Variants in GALNTL6 observed in about 807,000 individuals in gnomAD.
GALNTL6 encodes polypeptide N-acetylgalactosaminyltransferase like 6.
A neutral mutation model predicts 73.7 loss-of-function variants in GALNTL6; 46 were observed. The ratio of observed to expected loss-of-function variants is 0.62; its 90% confidence interval spans 0.49 to 0.80. GALNTL6 has a LOEUF of 0.80. Ranked by LOEUF, GALNTL6 falls within the 30% of genes least tolerant of loss-of-function variation. The pLI, the probability that GALNTL6 is intolerant of heterozygous loss-of-function variation, is 0.00. For synonymous variants in GALNTL6, 259 were observed against 263.7 expected, an observed-to-expected ratio of 0.98 and a Z score of 0.17; for missense variants, 604 against 755.0, an observed-to-expected ratio of 0.80 and a Z score of 2.34.
At chr4:172,169,855 C>T (rs192598880) in intron 2 of GALNTL6, among the ~76,000 whole-genome samples, 8 of 152,092 alleles carry the variant, frequency 5.3e-5, no homozygotes, top group African/African-American at 9.7e-5. Context: ...TTTCAGAAGT[C>T]GTGGTAAGAA....
chr4:172,836,057 G>T (rs1219790132), intron 7 of GALNTL6, among the ~76,000 whole-genome samples: 1 of 152,100 alleles, frequency 6.6e-6, no homozygotes, highest in African/African-American at 2.4e-5. Flanking sequence ...CTGCTGCCTG[G>T]CAGGGCAATG....
intron 5 of GALNTL6, among the ~76,000 whole-genome samples, chr4:172,768,576 G>A (rs1435287864): frequency 6.6e-6 from 1 of 152,210 alleles, no homozygotes. Flanking sequence ...ACCTCTATGG[G>A]TGTCTTTAAC....
chr4:172,224,923 G>A (rs1214953200), intron 2 of GALNTL6, among the ~76,000 whole-genome samples: 2 of 151,948 alleles, frequency 1.3e-5, no homozygotes, highest in Admixed American at 1.3e-4. Flanking sequence ...TACTACATGT[G>A]GTTTCTACTT....
chr4:172,984,296 G>A (rs1751198772), intron 10 of GALNTL6, among the ~76,000 whole-genome samples: 1 of 152,166 alleles, frequency 6.6e-6, no homozygotes, highest in African/African-American at 2.4e-5. Context: ...GCTGAAAGCA[G>A]CTCTTCACAG....
intron 2 of GALNTL6, among the ~76,000 whole-genome samples, chr4:172,183,116 A>AT (rs1735305879): frequency 6.6e-6 from 1 of 152,192 alleles, no homozygotes; most frequent in East Asian, 1.9e-4. Context: ...GTGACAACCA[A>AT]TATGTCTATA....
chr4:172,787,573 T>C (rs1443069576), intron 5 of GALNTL6, among the ~76,000 whole-genome samples: 1 of 152,206 alleles, frequency 6.6e-6, no homozygotes, highest in African/African-American at 2.4e-5. Context: ...TATTTGTGTC[T>C]CTGCTTCACA....
intron 2 of GALNTL6, among the ~76,000 whole-genome samples, chr4:171,978,990 G>T (rs1387396885): frequency 6.6e-6 from 1 of 152,108 alleles, no homozygotes; most frequent in Non-Finnish European, 1.5e-5. Context: ...TATACAAAAT[G>T]TGTCCCTTTT....
intron 4 of GALNTL6, among the ~76,000 whole-genome samples, chr4:172,342,009 A>T (rs1209834138): frequency 2.0e-5 from 3 of 152,180 alleles, no homozygotes; most frequent in African/African-American, 7.2e-5. Context: ...CCAATATAGG[A>T]ATATTGTGCA....
intron 5 of GALNTL6, among the ~76,000 whole-genome samples, chr4:172,537,197 T>C (rs1735374388): frequency 6.6e-6 from 1 of 152,164 alleles, no homozygotes; most frequent in African/African-American, 2.4e-5. Flanking sequence ...AAGGCACGAT[T>C]GTGTTTTGAA....
At chr4:172,128,775 T>C (rs1230523932) in intron 2 of GALNTL6, among the ~76,000 whole-genome samples, 1 of 152,216 alleles carries the variant, frequency 6.6e-6, no homozygotes, top group African/African-American at 2.4e-5. Flanking sequence ...GTTTGTTGTT[T>C]GCCAGTCTGG....
chr4:172,028,527 T>A (rs1741664317), intron 2 of GALNTL6, among the ~76,000 whole-genome samples: 1 of 152,046 alleles, frequency 6.6e-6, no homozygotes, highest in African/African-American at 2.4e-5. Flanking sequence ...AAATTTAGTT[T>A]TAGATTGAGA....
intron 10 of GALNTL6, among the ~76,000 whole-genome samples, chr4:173,000,075 T>C (rs556584418): frequency 6.6e-6 from 1 of 152,284 alleles, no homozygotes; most frequent in African/African-American, 2.4e-5. Flanking sequence ...CTACTACTAC[T>C]ATGAAACATT....
At chr4:172,052,209 T>C (rs1730895067) in intron 2 of GALNTL6, among the ~76,000 whole-genome samples, 1 of 152,234 alleles carries the variant, frequency 6.6e-6, no homozygotes, top group African/African-American at 2.4e-5. Context: ...AGCTCTGTTC[T>C]TATATCCCGG....
chr4:171,847,667 G>A (rs778326764), intron 2 of GALNTL6, among the ~76,000 whole-genome samples: 11 of 152,110 alleles, frequency 7.2e-5, no homozygotes, highest in East Asian at 3.9e-4. Context: ...TTTCAACAAT[G>A]TTCACACCCT....
intron 5 of GALNTL6, among the ~76,000 whole-genome samples, chr4:172,442,137 C>T (rs1376894783): frequency 6.6e-6 from 1 of 152,028 alleles, no homozygotes; most frequent in Non-Finnish European, 1.5e-5. Flanking sequence ...ATCAAAAGGT[C>T]GCAGGATCCT....
At chr4:172,976,888 C>A (rs1750836719) in intron 10 of GALNTL6, among the ~76,000 whole-genome samples, 1 of 152,168 alleles carries the variant, frequency 6.6e-6, no homozygotes, top group South Asian at 2.1e-4. Context: ...AGATCAACAC[C>A]AAAATATCCA....
chr4:171,891,149 A>T (rs186868714), intron 2 of GALNTL6, among the ~76,000 whole-genome samples: 1 of 152,320 alleles, frequency 6.6e-6, no homozygotes, highest in East Asian at 1.9e-4. Flanking sequence ...ATGGTCAAAG[A>T]TTCATGATTC....
At chr4:172,341,489 A>C (rs190162578) in intron 4 of GALNTL6, among the ~76,000 whole-genome samples, 16 of 147,504 alleles carry the variant, frequency 1.1e-4, no homozygotes, top group Middle Eastern at 7.1e-3. Context: ...GTAGTTGTTT[A>C]GTTGGTAATA....
intron 5 of GALNTL6, among the ~76,000 whole-genome samples, chr4:172,512,637 G>A (rs184083122): frequency 1.5e-4 from 23 of 152,200 alleles, no homozygotes; most frequent in Non-Finnish European, 2.8e-4. Context: ...TGCTGGCTTG[G>A]TAGTGGCAAG....
Sources: allele counts gnomAD v4.1 joint callset (sites outside exome capture counted in the v4.1 genomes callset), GRCh38; gene constraint gnomAD v4.1.1; transcripts MANE v1.5; gene names NCBI Gene and HGNC (gene_info 2026-07-23, HGNC 2026-07-21).